The following AKAP13 variants were observed in gnomAD, a reference collection of about 807,000 sequenced individuals.
The protein encoded by AKAP13 is A-kinase anchoring protein 13, also known as A-kinase anchor protein 13.
AKAP13 carries 80 observed loss-of-function variants against 264.5 expected under a neutral mutation model. The observed-to-expected ratio is 0.30, with a 90% confidence interval of 0.25 to 0.36. The LOEUF (loss-of-function observed/expected upper bound fraction) is 0.36, where lower values mean the gene tolerates loss of function less well. Among genes scored for constraint, AKAP13 ranks in the 10% least tolerant of loss-of-function variants. The pLI, the probability that AKAP13 is intolerant of heterozygous loss-of-function variation, is 1.00. For missense variants in AKAP13, 3,712 were observed against 3,435.2 expected (o/e 1.08, Z -2.01); for synonymous variants, 1,380 against 1,250.2 (o/e 1.10, Z -2.19).
At chr15:85,553,084 C>CT (rs10693195) in intron 5 of AKAP13, among the ~76,000 whole-genome samples, 3,181 of 120,328 alleles carry the variant, frequency 0.026, 185 homozygotes, top group African/African-American at 0.083. Context: ...ATCTGTAATT[C>CT]TTTTTTTTTT....
rs79213712 is a variant in AKAP13, at chr15:85,381,521, C to T, written c.-12+723C>T. On this transcript the variant is annotated intron_variant, in intron 1 of 36. Coordinates refer to ENST00000394518, the MANE Select transcript of AKAP13 (RefSeq NM_007200.5). ...TTTTTTTGGTAAATACGGTTTACTG[C>T]TTTTTTTTTTTTTTTTTTTTTGCAA... Among the ~76,000 whole-genome samples the T allele has an allele frequency of 6.2e-3, 400 of 64,080 alleles. 1 individual carries two copies. Among genetic ancestry groups the T allele is most frequent in the Admixed American group, 9.6e-3 (39 of 4,056 alleles). The allele number at this position is 64,080 out of a possible 152,430, so 42.0% of individuals were successfully genotyped here. A position where few individuals can be genotyped will look rare whatever the true frequency, so the allele number is the denominator to read the frequency against.
intron 1 of AKAP13, among the ~76,000 whole-genome samples, chr15:85,456,314 G>A (rs138597467): frequency 1.6e-4 from 25 of 152,182 alleles, no homozygotes; most frequent in Non-Finnish European, 3.4e-4. Context: ...TTTGAATTGA[G>A]GATGACTGTT....
intron 1 of AKAP13, among the ~76,000 whole-genome samples, chr15:85,436,951 G>T (rs890279707): frequency 4.6e-5 from 7 of 151,248 alleles, no homozygotes; most frequent in Non-Finnish European, 7.4e-5. Context: ...CTAGCAGAAG[G>T]CAAGAAATAA....
chr15:85,409,745 G>A (rs753477126), intron 1 of AKAP13, among the ~76,000 whole-genome samples: 3 of 149,226 alleles, frequency 2.0e-5, no homozygotes, highest in Admixed American at 6.7e-5. Context: ...ATTCTCCTGC[G>A]TCAGCCTCCC....
intron 1 of AKAP13, among the ~76,000 whole-genome samples, chr15:85,477,643 A>G (rs1270686001): frequency 6.1e-5 from 9 of 146,660 alleles, no homozygotes; most frequent in African/African-American, 1.5e-4. Flanking sequence ...AAAGGAAAAA[A>G]AAAAAAAAAA....
In AKAP13 at chr15:85,655,536, G is replaced by A. The variant is rs1169150594; in HGVS notation, c.4494G>A (p.Lys1498=). 1 of 1,614,218 alleles carries A rather than the reference G, an allele frequency of 6.2e-7. No homozygotes were observed. The highest frequency in any genetic ancestry group is 1.3e-5 in the African/African-American group (1 of 75,060). The change falls in exon 11 of 37, where the codon AAG becomes AAA. Residue 1498 remains lysine (K), a synonymous_variant. Transcript: ENST00000394518. The part of the protein sequence containing the change: ...GSDVSLSQIL[K]PNRSRDRQSL... ...ATGTGTCTCTCTCCCAGATTTTAAA[G>A]CCAAACAGGTCAAGAGATCGGCAAA... is the stretch of plus-strand genomic sequence containing the variant.
At chr15:85,680,886 C>T (rs577730743) in intron 14 of AKAP13, among the ~76,000 whole-genome samples, 2 of 152,232 alleles carry the variant, frequency 1.3e-5, no homozygotes, top group East Asian at 3.9e-4. Flanking sequence ...GGCGCAATCT[C>T]GGCTCACTGC....
intron 5 of AKAP13, among the ~76,000 whole-genome samples, chr15:85,563,938 T>C (rs868038938): frequency 6.6e-6 from 1 of 152,250 alleles, no homozygotes; most frequent in Non-Finnish European, 1.5e-5. Context: ...TTGTAAGTGG[T>C]AAAGTTTGAT....
chr15:85,648,146 C>T (rs1241564831), intron 10 of AKAP13, among the ~76,000 whole-genome samples: 2 of 152,166 alleles, frequency 1.3e-5, no homozygotes. Flanking sequence ...TCGCTAAAAA[C>T]ATACTGAGAT....
chr15:85,599,725 A>G (rs1052862829), intron 8 of AKAP13, among the ~76,000 whole-genome samples: 2 of 152,252 alleles, frequency 1.3e-5, no homozygotes, highest in South Asian at 4.1e-4. Context: ...AAACAAAATA[A>G]TGCATACCTT....
chr15:85,741,710 A>C (rs1295522527), intron 35 of AKAP13, among the ~76,000 whole-genome samples: 2 of 103,196 alleles, frequency 1.9e-5, no homozygotes, highest in East Asian at 2.8e-4. Flanking sequence ...AAAAAAAAAA[A>C]AAAAAACAAA....
intron 8 of AKAP13, among the ~76,000 whole-genome samples, chr15:85,593,186 C>A (rs1216368748): frequency 6.6e-6 from 1 of 152,022 alleles, no homozygotes; most frequent in Non-Finnish European, 1.5e-5. Flanking sequence ...GTGGTGCGCC[C>A]CTGTAATCCC....
chr15:85,534,845 T>C (rs559692022), intron 4 of AKAP13: 2 of 152,282 alleles, frequency 1.3e-5, no homozygotes, highest in Admixed American at 1.3e-4. Context: ...GTCATAATTG[T>C]ATAGATATTT....
At chr15:85,742,415 G>A (rs145360071) in intron 35 of AKAP13, among the ~76,000 whole-genome samples, 1 of 152,226 alleles carries the variant, frequency 6.6e-6, no homozygotes, top group Non-Finnish European at 1.5e-5. Flanking sequence ...TGGCTCTCAG[G>A]CCAGAGTTGC....
chr15:85,663,877 A>G (rs1490473420), intron 12 of AKAP13, among the ~76,000 whole-genome samples: 1 of 152,238 alleles, frequency 6.6e-6, no homozygotes, highest in East Asian at 1.9e-4. Flanking sequence ...ACCAATATCC[A>G]GGCAAAAAAT....
At chr15:85,500,425 C>G (rs2076008546) in intron 2 of AKAP13, among the ~76,000 whole-genome samples, 1 of 152,158 alleles carries the variant, frequency 6.6e-6, no homozygotes, top group African/African-American at 2.4e-5. Flanking sequence ...TTGATTGTAA[C>G]ATTTTCATTG....
At chr15:85,742,663 C>T (rs188331060) in intron 35 of AKAP13, among the ~76,000 whole-genome samples, 2 of 152,344 alleles carry the variant, frequency 1.3e-5, no homozygotes, top group East Asian at 3.9e-4. Context: ...CACACTCACT[C>T]CTGAGCTTAT....
chr15:85,567,393 A>T (rs1173343903), intron 5 of AKAP13, among the ~76,000 whole-genome samples: 1 of 152,246 alleles, frequency 6.6e-6, no homozygotes, highest in Non-Finnish European at 1.5e-5. Context: ...GGCGTGAGCC[A>T]CCACGCCCAG....
rs200130889 is a variant in AKAP13, at chr15:85,655,475, C to T, written c.4433C>T (p.Thr1478Met). 4.8e-5 allele frequency: 77 copies of T among 1,614,198 alleles called. No homozygotes were observed. In the East Asian group the frequency reaches 1.2e-3, roughly 26 times the overall value. ...GGATCCAGTTCATCCACCGATGACA[C>T]GGCTTCACTGGACCGACATTCTTCT... ...ITGSSSSTDDTASLDRHSSHG... is the reference protein window; with the variant it reads ...ITGSSSSTDDMASLDRHSSHG... The change falls in exon 11 of 37, where the codon ACG becomes ATG. Residue 1478 changes from threonine to methionine, a missense_variant. By Grantham distance (81) the Thr-to-Met change is moderately conservative (BLOSUM62 -1). Around this residue, in one of 3 missense-constraint regions of AKAP13, gnomAD observed 2,759 missense variants for 2,411.7 expected, o/e 1.14. Coordinates refer to ENST00000394518, the MANE Select transcript of AKAP13 (RefSeq NM_007200.5).
Sources: gnomAD v4.1 joint callset for allele counts (sites outside exome capture counted in the v4.1 genomes callset) on GRCh38, gnomAD v4.1.1 for gene constraint, gnomAD v4.1.1 regional missense constraint, MANE v1.5 for transcripts, NCBI Gene and HGNC (gene_info 2026-07-23, HGNC 2026-07-21) for gene names.